Variants in SLC38A10 observed in about 807,000 individuals in gnomAD.
SLC38A10 encodes Sodium-coupled neutral amino acid transporter 10.
SLC38A10 carries 53 observed loss-of-function variants against 81.0 expected under a neutral mutation model. The observed-to-expected ratio is 0.65, with a 90% CI of 0.53 to 0.82. SLC38A10 has a LOEUF of 0.82. SLC38A10 is among the 40% of genes least tolerant of loss of function. The probability of loss-of-function intolerance (pLI) is 0.00; values close to 1 mark genes in which losing one functional copy is unlikely to be tolerated. For missense variants in SLC38A10, 1,471 were observed against 1,545.0 expected (o/e 0.95, Z 0.80); for synonymous variants, 665 against 655.3 (o/e 1.01, Z -0.23).
At chr17:81,259,791 T>G (rs1301868144) in intron 11 of SLC38A10, among the ~76,000 whole-genome samples, 1 of 152,180 alleles carries the variant, frequency 6.6e-6, no homozygotes, top group Non-Finnish European at 1.5e-5. Context: ...CTCATGGTCC[T>G]AACTCCACCC....
intron 11 of SLC38A10, among the ~76,000 whole-genome samples, chr17:81,256,897 C>T (rs530728553): frequency 1.9e-4 from 29 of 152,340 alleles, no homozygotes; most frequent in African/African-American, 6.5e-4. Context: ...GGCAACACAG[C>T]CAGGCCCTGG....
chr17:81,245,620 C>G lies in SLC38A10; in HGVS notation c.3296G>C (p.Gly1099Ala). ...LDAQLRQAAG[G>A]ALQVVHSRQL... ...CCGGCTGTGGACCACCTGCAGAGCT[C>G]CCCCCGCAGCCTGGCGGAGCTGGGC... Residue 1099 changes from glycine (G) to alanine (A), a missense_variant, in exon 16 of 16, where the codon GGA (glycine) becomes GCA (alanine). Coordinates refer to ENST00000374759, the MANE Select transcript of SLC38A10 (RefSeq NM_001037984.3). The G allele has an allele frequency of 6.2e-7, 1 of 1,611,996 alleles. No homozygotes were observed. Among genetic ancestry groups the G allele is most frequent in the Non-Finnish European group, 8.5e-7 (1 of 1,179,652 alleles).
Position 81,245,586 on chromosome 17 carries a change from TC to T in SLC38A10, c.3329del (p.Arg1110AsnfsTer16). On this transcript the variant is annotated frameshift_variant, in exon 16 of 16. Coordinates refer to ENST00000374759, the MANE Select transcript of SLC38A10 (RefSeq NM_001037984.3). LOFTEE classifies it high-confidence loss of function. Reference protein sequence around the residue: ...ALQVVHSRQLRQAPGPPEES With the variant: ...ALQVVHSRQLXQAPGPPEES ...ACTCCTCTGGAGGCCCAGGCGCCTG[TC>T]TAAGCTGCCGGCTGTGGACCACCTG... 1 of 1,610,972 alleles carries T rather than the reference TC, an allele frequency of 6.2e-7. No homozygotes were observed. The highest frequency in any genetic ancestry group is 8.5e-7 in the Non-Finnish European group (1 of 1,179,256).
chr17:81,254,134 C>A (rs547274916), intron 11 of SLC38A10, among the ~76,000 whole-genome samples: 9 of 152,238 alleles, frequency 5.9e-5, no homozygotes, highest in Non-Finnish European at 1.2e-4. Flanking sequence ...CATATGTCCA[C>A]TGAGACAGGC....
In SLC38A10 at chr17:81,288,860, G is replaced by A. The variant is rs897161785; in HGVS notation, c.217+831C>T. ...TCCGCAGGAAGGCATCTGGTGTCCA[G>A]GAGAGACACAGAGAGAGCAGGTCTG... On this transcript the variant is annotated intron_variant, in intron 2 of 15. Coordinates refer to ENST00000374759, the MANE Select transcript of SLC38A10 (RefSeq NM_001037984.3). The surrounding 1 kb of genome is among the most constrained non-coding windows in gnomAD (Gnocchi z 5.4). 3.3e-5 allele frequency: 5 copies of A among 152,368 alleles called. No individual in the cohort carries two copies. The highest frequency in any genetic ancestry group is 5.9e-5 in the Non-Finnish European group (4 of 68,116). The allele number at this position is 152,368 out of a possible 1,614,324, so 9.4% of individuals were successfully genotyped here.
rs551505225 is a variant in SLC38A10, at chr17:81,281,979, C to T, written c.501+210G>A. 3.3e-5 allele frequency among the ~76,000 whole-genome samples: 5 copies of T among 152,270 alleles called. No homozygotes were observed. In the East Asian group the frequency reaches 5.8e-4, roughly 18 times the overall value. On this transcript the variant is annotated intron_variant, in intron 5 of 15. Coordinates refer to ENST00000374759, the MANE Select transcript of SLC38A10 (RefSeq NM_001037984.3). The surrounding 1 kb of genome is among the most constrained non-coding windows in gnomAD (Gnocchi z 5.3). ...GCCCCAGCCTCTCCTGCCAGCCAAC[C>T]GCACCTGGGTCCAGCCAGCCCCGTC...
intron 10 of SLC38A10, 112 bp from the exon 11 acceptor site, chr17:81,260,506 G>C (rs578004720): frequency 7.3e-7 from 1 of 1,369,178 alleles, no homozygotes; most frequent in Non-Finnish European, 9.7e-7. Context: ...CACGAGGAGA[G>C]TGGACATGAC....
chr17:81,246,455 C>T lies in SLC38A10; in HGVS notation c.2461G>A (p.Gly821Ser), dbSNP rs200338069. 1.3e-4 allele frequency: 206 copies of T among 1,584,722 alleles called. 2 individuals are homozygous for T. In the East Asian group the frequency reaches 2.4e-3, roughly 19 times the overall value. The change falls in exon 16 of 16, where the codon GGC becomes AGC. Residue 821 changes from glycine to serine, a missense_variant. By Grantham distance (56) the Gly-to-Ser change is moderately conservative. Transcript: ENST00000374759. ...GRDPAGPPDG[G>S]PDTEPRAAQA... ...GCTGCCCGAGGCTCTGTGTCAGGGCCGCCGTCAGGAGGGCCAGCAGGGTCT... is the reference window on the plus strand; with the variant it reads ...GCTGCCCGAGGCTCTGTGTCAGGGCTGCCGTCAGGAGGGCCAGCAGGGTCT...
In SLC38A10 at chr17:81,252,443, G is replaced by T; in HGVS notation, c.1697C>A (p.Ala566Asp). 6.2e-7 allele frequency: 1 copy of T among 1,613,288 alleles called. No individual in the cohort carries two copies. The highest frequency in any genetic ancestry group is 8.5e-7 in the Non-Finnish European group (1 of 1,180,012). Residue 566 changes from alanine (A) to aspartate (D), a missense_variant, in exon 13 of 16, where the codon GCC (alanine) becomes GAC (aspartate). By Grantham distance (126) the Ala-to-Asp change is moderately radical (BLOSUM62 -2). Coordinates refer to ENST00000374759, the MANE Select transcript of SLC38A10 (RefSeq NM_001037984.3). The stretch of plus-strand genomic sequence containing the variant: ...AGGAAGATCACCCGCCTCCTCCAAG[G>T]CCTGGGCCTGTCCAGGCCTCTTCCC... ...EVGKRPGQAQ[A>D]LEEAGDLPED...
chr17:81,263,250 A>AATCTTTG (rs996322415), intron 10 of SLC38A10: 1 of 152,228 alleles, frequency 6.6e-6, no homozygotes, highest in African/African-American at 2.4e-5. Flanking sequence ...GCCTGCATGG[A>AATCTTTG]ATCTTTGGGC....
At chr17:81,272,736 G>T in intron 8 of SLC38A10, 109 bp from the exon 9 acceptor site, 1 of 699,880 alleles carries the variant, frequency 1.4e-6, no homozygotes, top group Non-Finnish European at 2.2e-6. Flanking sequence ...ACATCTCCAC[G>T]TGAGGCCGGC....
In SLC38A10 at chr17:81,260,333, C is replaced by T; in HGVS notation, c.1193G>A (p.Ser398Asn). The change falls in exon 11 of 16, where the codon AGC becomes AAC. Residue 398 changes from serine to asparagine, a missense_variant. Physicochemically the swap from Ser to Asn is conservative, Grantham distance 46. Around this residue, in one of 2 missense-constraint regions of SLC38A10, gnomAD observed 720 missense variants for 827.7 expected, o/e 0.87. Coordinates refer to ENST00000374759, the MANE Select transcript of SLC38A10 (RefSeq NM_001037984.3). ...VVSTVTTLSV[S>N]EEVPEDLAEE... ...TGCCAAGTCCTCGGGGACCTCCTCG[C>T]TCACAGACAGTGTGGTGACAGTGCT... is the stretch of plus-strand genomic sequence containing the variant. 1 of 1,609,888 alleles carries T rather than the reference C, an allele frequency of 6.2e-7. No individual in the cohort carries two copies. The highest frequency in any genetic ancestry group is 8.5e-7 in the Non-Finnish European group (1 of 1,178,732).
chr17:81,249,402 TGAAGGAGGGAGGGAAGAGGAGGGA>T (rs2062887012), intron 14 of SLC38A10, among the ~76,000 whole-genome samples: 4 of 496 alleles, frequency 8.1e-3, no homozygotes, highest in Non-Finnish European at 9.1e-3. Context: ...AAGAGGAGGA[TGAAGGAGGGAGGGAAGAGGAGGGA>T]GAAGGAGGGA....
At chr17:81,285,179 G>A in intron 2 of SLC38A10, 1 of 316,452 alleles carries the variant, frequency 3.2e-6, no homozygotes, top group Non-Finnish European at 5.9e-6. Context: ...TCCCTGCGAT[G>A]CAGTCCTCCC....
At chr17:81,260,472 G>C (rs1262108675) in intron 10 of SLC38A10, 78 bp from the exon 11 acceptor site, 1 of 1,494,350 alleles carries the variant, frequency 6.7e-7, no homozygotes, top group Non-Finnish European at 9.0e-7. Flanking sequence ...TGGCCTGGCA[G>C]AGAGGCTCAG....
At chr17:81,278,242 A>G (rs1317350837) in intron 6 of SLC38A10, among the ~76,000 whole-genome samples, 1 of 148,338 alleles carries the variant, frequency 6.7e-6, no homozygotes, top group Non-Finnish European at 1.5e-5. Flanking sequence ...AAACCAGGCC[A>G]GGCACAGCGG....
intron 10 of SLC38A10, chr17:81,263,091 G>T (rs1356274936): frequency 2.6e-5 from 4 of 152,204 alleles, no homozygotes; most frequent in Non-Finnish European, 5.9e-5. Flanking sequence ...GATCGGCAGG[G>T]GAGGGGGGCT....
In SLC38A10 at chr17:81,251,553, G is replaced by C; in HGVS notation, c.2005C>G (p.Pro669Ala). 1 of 1,513,154 alleles carries C rather than the reference G, an allele frequency of 6.6e-7. No homozygotes were observed. The highest frequency in any genetic ancestry group is 8.8e-7 in the Non-Finnish European group (1 of 1,135,882). The allele number at this position is 1,513,154 out of a possible 1,614,324, so 93.7% of individuals were successfully genotyped here. A position where few individuals can be genotyped will look rare whatever the true frequency, so the allele number is the denominator to read the frequency against. ...CGCTCCACGTCCCTCTGCTCGCGAG[G>C]CTCGGGCGGCAGCCCAGGCCCTGGA... ...PAPGPGLPPE[P>A]REQRDVERAG... The change falls in exon 14 of 16, where the codon CCT becomes GCT. Residue 669 changes from proline to alanine, a missense_variant. Pro to Ala is a conservative substitution (Grantham distance 27). This residue lies in a region of SLC38A10 where 751 missense variants were observed against 717.4 expected (regional missense o/e 1.05). Coordinates refer to ENST00000374759, the MANE Select transcript of SLC38A10 (RefSeq NM_001037984.3).
At chr17:81,252,875 G>A (rs781694368) in intron 12 of SLC38A10, among the ~76,000 whole-genome samples, 192 bp from the exon 13 acceptor site, 1 of 152,210 alleles carries the variant, frequency 6.6e-6, no homozygotes, top group African/African-American at 2.4e-5. Context: ...AGGGGCAGCT[G>A]CAAACAAGTT....
Sources: allele counts gnomAD v4.1 joint callset (sites outside exome capture counted in the v4.1 genomes callset), GRCh38; gene constraint gnomAD v4.1.1; regional missense constraint gnomAD v4.1.1; non-coding constraint Gnocchi (gnomAD v3.1); transcripts MANE v1.5; gene names NCBI Gene and HGNC (gene_info 2026-07-23, HGNC 2026-07-21).